The following ITGAX variants were observed in gnomAD, a reference collection of about 807,000 sequenced individuals.
ITGAX encodes the protein integrin alpha-X.
A neutral mutation model predicts 140.2 loss-of-function variants in ITGAX; 99 were observed. The ratio of observed to expected loss-of-function variants is 0.71; its 90% CI spans 0.60 to 0.83. The LOEUF (loss-of-function observed/expected upper bound fraction) is 0.83. Among genes scored for constraint, ITGAX ranks in the 40% least tolerant of loss-of-function variants. The pLI is 0.00. For missense variants in ITGAX, 1,444 were observed against 1,482.0 expected, an observed-to-expected ratio of 0.97 and a Z score of 0.42; for synonymous variants, 631 against 600.4, an observed-to-expected ratio of 1.05 and a Z score of -0.75.
At chr16:31,378,731 A>C (rs896328659) in intron 23 of ITGAX, among the ~76,000 whole-genome samples, 3 of 151,952 alleles carry the variant, frequency 2.0e-5, no homozygotes, top group Admixed American at 1.3e-4. Context: ...TCAACCTCCC[A>C]AAGTGCTGGG....
rs950627496 is a variant in ITGAX at position 31,359,555 on chromosome 16, C to A, written c.431-145C>A. ...GCTCTGCCCCTGATGAGGAGAGGAC[C>A]CAGGGTGTGGAGCCTGACTCCCATC... On this transcript the variant is annotated intron_variant, in intron 5 of 29. Transcript: ENST00000268296. The A allele has an allele frequency of 4.7e-6, 4 of 852,312 alleles. No homozygotes were observed. The African/African-American group carries it at 5.1e-5, about 11-fold the overall frequency. The allele number at this position is 852,312 out of a possible 1,614,324, so 52.8% of individuals were successfully genotyped here. A position where few individuals can be genotyped will look rare whatever the true frequency, so the allele number is the denominator to read the frequency against.
Position 31,361,191 on chromosome 16 carries a change from G to A in ITGAX, c.990G>A (p.Lys330=). The change falls in exon 9 of 30, where the codon AAG becomes AAA. Residue 330 remains lysine, a synonymous_variant. Transcript: ENST00000268296. ...DALKDIQNQL[K]EKIFAIEGTE... ...TGAAAGATATTCAAAACCAACTGAA[G>A]GAGAAGATCTTTGCCATTGAGGGTG... 1 of 1,612,586 alleles carries A rather than the reference G, an allele frequency of 6.2e-7. No individual in the cohort carries two copies. The highest frequency in any genetic ancestry group is 1.1e-5 in the South Asian group (1 of 90,862).
Position 31,371,342 on chromosome 16 carries a change from C to G in ITGAX, c.1850C>G (p.Pro617Arg). 3 of 1,614,186 alleles carry G rather than the reference C, an allele frequency of 1.9e-6. No homozygotes were observed. Among genetic ancestry groups the G allele is most frequent in the Non-Finnish European group, 2.5e-6 (3 of 1,180,030 alleles). Residue 617 changes from proline (P) to arginine (R), a missense_variant, in exon 16 of 30, where the codon CCT (proline) becomes CGT (arginine). Physicochemically the swap from Pro to Arg is moderately radical, Grantham distance 103 (BLOSUM62 -2). Transcript: ENST00000268296. Reference protein sequence around the residue: ...RGQVLLLRTRPVLWVGVSMQF... With the variant: ...RGQVLLLRTRRVLWVGVSMQF... The stretch of plus-strand genomic sequence containing the variant: ...CGGTGCTCTGCCCGCAGGACCAGAC[C>G]TGTGCTCTGGGTGGGGGTGAGCATG...
chr16:31,360,053 T>A lies in ITGAX; in HGVS notation c.695T>A (p.Ile232Asn), dbSNP rs1247525134. ...LQGFTYTATA[I>N]QNVVHRLFHA... ...GGGTTTACATACACGGCCACCGCCA[T>A]CCAAAATGTCGTGTGAGTCCTGATT... is the stretch of plus-strand genomic sequence containing the variant. Residue 232 changes from isoleucine (I) to asparagine (N), a missense_variant, in exon 7 of 30, where the codon ATC (isoleucine) becomes AAC (asparagine). By Grantham distance (149) the Ile-to-Asn change is moderately radical. Coordinates refer to ENST00000268296, the MANE Select transcript of ITGAX (RefSeq NM_000887.5). 1 of 1,610,714 alleles carries A rather than the reference T, an allele frequency of 6.2e-7. No homozygotes were observed. The highest frequency in any genetic ancestry group is 1.1e-5 in the South Asian group (1 of 91,078).
chr16:31,357,144 G>A, intron 4 of ITGAX, 43 bp downstream of exon 4: 1 of 1,584,150 alleles, frequency 6.3e-7, no homozygotes, highest in Non-Finnish European at 8.6e-7. Context: ...GGGAGGGAGG[G>A]AGGAGCCGGG....
At chr16:31,369,990 C>G (rs1300688880) in intron 14 of ITGAX, 1 of 152,134 alleles carries the variant, frequency 6.6e-6, no homozygotes, top group Non-Finnish European at 1.5e-5. Context: ...GAGTCTCGCT[C>G]TGTCACCCAG....
chr16:31,362,434 C>T (rs1276817405), intron 11 of ITGAX, among the ~76,000 whole-genome samples, 177 bp from the exon 12 acceptor site: 1 of 52,074 alleles, frequency 1.9e-5, no homozygotes, highest in African/African-American at 7.6e-5. Context: ...AGGGGATGGG[C>T]GCTGTGCTGC....
intron 20 of ITGAX, among the ~76,000 whole-genome samples, chr16:31,374,894 G>A (rs2081005473): frequency 6.6e-6 from 1 of 152,260 alleles, no homozygotes; most frequent in Non-Finnish European, 1.5e-5. Context: ...TTTTAAAGGT[G>A]ATTAGGTTAT....
Position 31,382,701 on chromosome 16 carries a change from C to T in ITGAX, c.*794C>T. 2 of 566,138 alleles carry T rather than the reference C, an allele frequency of 3.5e-6. No homozygotes were observed. The highest frequency in any genetic ancestry group is 6.3e-6 in the Non-Finnish European group (2 of 315,076). The allele number at this position is 566,138 out of a possible 1,614,324, so 35.1% of individuals were successfully genotyped here. A position where few individuals can be genotyped will look rare whatever the true frequency, so the allele number is the denominator to read the frequency against. On this transcript the variant is annotated 3_prime_UTR_variant, in exon 30 of 30. Coordinates refer to ENST00000268296, the MANE Select transcript of ITGAX (RefSeq NM_000887.5). ...TGAGATGCCTGCATGCTGGGTTCTG[C>T]ACAGCTGGCCTCCCGCGTTGGGCAA...
intron 23 of ITGAX, among the ~76,000 whole-genome samples, chr16:31,379,142 TGAGA>T (rs1006888151): frequency 6.6e-6 from 1 of 151,066 alleles, no homozygotes; most frequent in South Asian, 2.1e-4. Context: ...TGTTTTTTTT[TGAGA>T]GAGAGAGAGT....
intron 20 of ITGAX, among the ~76,000 whole-genome samples, chr16:31,376,384 G>T (rs1168202293): frequency 1.3e-5 from 2 of 152,174 alleles, no homozygotes; most frequent in Non-Finnish European, 2.9e-5. Flanking sequence ...GTTTTGGGGG[G>T]ACAAGATGGG....
intron 25 of ITGAX, 23 bp from the exon 26 acceptor site, chr16:31,379,959 T>G (rs750750713): frequency 5.0e-6 from 8 of 1,610,764 alleles, no homozygotes; most frequent in Non-Finnish European, 6.8e-6. Flanking sequence ...GCTGAGACAC[T>G]TGTTCTCTGC....
At chr16:31,375,778 A>G (rs2081014530) in intron 20 of ITGAX, among the ~76,000 whole-genome samples, 1 of 152,266 alleles carries the variant, frequency 6.6e-6, no homozygotes, top group Non-Finnish European at 1.5e-5. Context: ...GTATAAAAGA[A>G]CACAGCAGGA....
intron 3 of ITGAX, 28 bp downstream of exon 3, chr16:31,356,756 G>A (rs1160775537): frequency 1.3e-6 from 2 of 1,509,118 alleles, no homozygotes; most frequent in Middle Eastern, 2.1e-4. Context: ...CCGGGACCCA[G>A]GGCCGGGCTC....
chr16:31,378,897 C>T (rs1379550400), intron 23 of ITGAX, among the ~76,000 whole-genome samples: 1 of 151,836 alleles, frequency 6.6e-6, no homozygotes, highest in Non-Finnish European at 1.5e-5. Context: ...CTCACTGCAA[C>T]CTCCGCCTCC....
intron 14 of ITGAX, among the ~76,000 whole-genome samples, chr16:31,368,412 C>T (rs1418891417): frequency 8.0e-5 from 12 of 149,112 alleles, no homozygotes; most frequent in Non-Finnish European, 1.5e-5. Flanking sequence ...GCAGGAGAAT[C>T]GCTTGAACCC....
intron 23 of ITGAX, among the ~76,000 whole-genome samples, chr16:31,378,535 C>G (rs1383196603): frequency 6.6e-6 from 1 of 151,880 alleles, no homozygotes; most frequent in Admixed American, 6.6e-5. Context: ...GGTGTGATCA[C>G]AGCTCACAGC....
At chr16:31,380,796 G>GT (rs2081062215) in intron 28 of ITGAX, 101 bp from the exon 29 acceptor site, 1 of 1,283,564 alleles carries the variant, frequency 7.8e-7, no homozygotes, top group Non-Finnish European at 1.1e-6. Context: ...TTGGAGCAGG[G>GT]CCTGGGGAAG....
intron 17 of ITGAX, 51 bp downstream of exon 17, chr16:31,371,835 G>A (rs779822020): frequency 1.9e-6 from 3 of 1,594,490 alleles, no homozygotes; most frequent in Admixed American, 3.4e-5. Context: ...CTGGCAGAAG[G>A]CAGGGCAGGG....
Sources: gnomAD v4.1 joint callset for allele counts (sites outside exome capture counted in the v4.1 genomes callset) on GRCh38, gnomAD v4.1.1 for gene constraint, MANE v1.5 for transcripts, NCBI Gene and HGNC (gene_info 2026-07-23, HGNC 2026-07-21) for gene names.